Variants in NCKAP1L observed in about 807,000 individuals in gnomAD.
The protein encoded by NCKAP1L is NCK associated protein 1 like.
NCKAP1L carries 53 observed loss-of-function variants against 139.2 expected under a neutral mutation model. That is an observed-to-expected ratio of 0.38 (90% CI 0.31 to 0.48). The LOEUF is 0.48. NCKAP1L is among the 20% of genes least tolerant of loss of function. The probability of loss-of-function intolerance (pLI) is 0.98; values close to 1 mark genes in which losing one functional copy is unlikely to be tolerated. For synonymous variants in NCKAP1L, 468 were observed against 499.7 expected (o/e 0.94, Z 0.85); for missense variants, 1,151 against 1,381.9 (o/e 0.83, Z 2.65).
At chr12:54,528,686 C>T (rs1464765220) in intron 22 of NCKAP1L, among the ~76,000 whole-genome samples, 3 of 151,466 alleles carry the variant, frequency 2.0e-5, no homozygotes, top group Admixed American at 2.0e-4. Flanking sequence ...AGTGCAGCGG[C>T]ACTATCTTGG....
chr12:54,514,142 A>G (rs1220831263), intron 9 of NCKAP1L, among the ~76,000 whole-genome samples: 2 of 152,210 alleles, frequency 1.3e-5, no homozygotes, highest in African/African-American at 2.4e-5. Context: ...ATCAGTCTAT[A>G]GAGACTTATT....
chr12:54,527,230 ACT>A (rs1008759464), intron 21 of NCKAP1L, among the ~76,000 whole-genome samples: 1 of 152,186 alleles, frequency 6.6e-6, no homozygotes, highest in Non-Finnish European at 1.5e-5. Context: ...GGGAATCAGC[ACT>A]GTTTCCTTTG....
chr12:54,543,916 T>C lies in NCKAP1L; in HGVS notation c.*1231T>C, dbSNP rs1026662421. On this transcript the variant is annotated 3_prime_UTR_variant, in exon 31 of 31. Coordinates refer to ENST00000293373, the MANE Select transcript of NCKAP1L (RefSeq NM_005337.5). ...TTAGCTAGTTGGTTAATTAGGGTCA[T>C]GTCCATACTTTCATGATGAAAGGGA... 2.0e-5 allele frequency: 3 copies of C among 152,224 alleles called. No homozygotes were observed. The highest frequency in any genetic ancestry group is 4.4e-5 in the Non-Finnish European group (3 of 68,040). The allele number at this position is 152,224 out of a possible 1,614,324, so 9.4% of individuals were successfully genotyped here.
At chr12:54,516,783 G>T in intron 10 of NCKAP1L, 113 bp from the exon 11 acceptor site, 4 of 908,928 alleles carry the variant, frequency 4.4e-6, no homozygotes, top group East Asian at 2.9e-5. Context: ...CTTGAGCATT[G>T]AACCTTCCTT....
intron 10 of NCKAP1L, 130 bp downstream of exon 10, chr12:54,516,425 C>A: frequency 1.3e-6 from 1 of 783,334 alleles, no homozygotes; most frequent in Non-Finnish European, 2.1e-6. Flanking sequence ...GCTGCTACCC[C>A]ATAAATTCTT....
In NCKAP1L at chr12:54,542,939, T is replaced by C. The variant is rs530896070; in HGVS notation, c.*254T>C. The C allele has an allele frequency of 2.4e-5, 10 of 408,202 alleles. No individual in the cohort carries two copies. Among genetic ancestry groups the C allele is most frequent in the Non-Finnish European group, 4.4e-5 (10 of 226,398 alleles). The allele number at this position is 408,202 out of a possible 1,614,324, so 25.3% of individuals were successfully genotyped here. ...GGCGTGGGGCCACATGTGTGAATTT[T>C]ACAATGAAAAAAGGAGTAACGTACA... On this transcript the variant is annotated 3_prime_UTR_variant, in exon 31 of 31. Transcript: ENST00000293373.
intron 18 of NCKAP1L, among the ~76,000 whole-genome samples, chr12:54,521,906 G>A (rs922335108): frequency 6.6e-6 from 1 of 151,966 alleles, no homozygotes; most frequent in South Asian, 2.1e-4. Flanking sequence ...GTGTGTGTGT[G>A]TGTGTGTGTA....
chr12:54,516,864 G>C, intron 10 of NCKAP1L, 32 bp from the exon 11 acceptor site: 1 of 1,588,054 alleles, frequency 6.3e-7, no homozygotes. Context: ...GGGTGGGAGA[G>C]GTGATAGTCA....
intron 4 of NCKAP1L, 57 bp downstream of exon 4, chr12:54,507,966 G>A (rs1274382835): frequency 2.0e-6 from 3 of 1,517,738 alleles, no homozygotes; most frequent in Non-Finnish European, 2.7e-6. Flanking sequence ...CCAGGTCTAG[G>A]TTGGGAGGTC....
intron 5 of NCKAP1L, among the ~76,000 whole-genome samples, chr12:54,509,389 A>G (rs1956868660): frequency 6.6e-6 from 1 of 152,172 alleles, no homozygotes; most frequent in African/African-American, 2.4e-5. Flanking sequence ...TAATTAACAG[A>G]TTTATAGAGT....
At position 54,542,911 on chromosome 12, in the gene NCKAP1L, T is replaced by C; in HGVS notation, c.*226T>C. The C allele has an allele frequency of 2.1e-6, 1 of 472,408 alleles. No individual in the cohort carries two copies. The highest frequency in any genetic ancestry group is 3.8e-6 in the Non-Finnish European group (1 of 264,028). 29.3% of individuals were successfully genotyped at this position (472,408 alleles called of 1,614,324 possible). On this transcript the variant is annotated 3_prime_UTR_variant, in exon 31 of 31. Coordinates refer to ENST00000293373, the MANE Select transcript of NCKAP1L (RefSeq NM_005337.5). Reference sequence around the variant, plus strand: ...ATGGAGGACAGCTTATGGAAAAAGTTAGGGCGTGGGGCCACATGTGTGAAT... The same window carrying C: ...ATGGAGGACAGCTTATGGAAAAAGTCAGGGCGTGGGGCCACATGTGTGAAT...
chr12:54,538,168 T>C (rs562707814), intron 29 of NCKAP1L, among the ~76,000 whole-genome samples: 3 of 152,348 alleles, frequency 2.0e-5, no homozygotes, highest in Admixed American at 1.3e-4. Flanking sequence ...TCAGGAATTA[T>C]ACCCTCATTC....
rs780910100 is a variant in NCKAP1L, at chr12:54,509,904, G to A, written c.654G>A (p.Gly218=). The change falls in exon 7 of 31, where the codon GGG becomes GGA. Residue 218 remains glycine (G), a synonymous_variant. Transcript: ENST00000293373. ...LHFLFVRRNQ[G]AEQWRSAQLL... is the part of the protein sequence containing the mutation. The stretch of plus-strand genomic sequence containing the variant: ...TCCTCTTTGTCCGAAGAAACCAGGG[G>A]GCTGAGCAGTGGCGCAGTGCCCAAC... 2 of 1,614,200 alleles carry A rather than the reference G, an allele frequency of 1.2e-6. No homozygotes were observed. The highest frequency in any genetic ancestry group is 2.2e-5 in the South Asian group (2 of 91,078).
intron 9 of NCKAP1L, among the ~76,000 whole-genome samples, chr12:54,516,001 T>A (rs1956927269): frequency 6.6e-6 from 1 of 151,516 alleles, no homozygotes; most frequent in African/African-American, 2.4e-5. Context: ...GTCATTTCCC[T>A]TCCCTAGGTA....
At chr12:54,508,659 G>A in intron 5 of NCKAP1L, 128 bp downstream of exon 5, 1 of 932,944 alleles carries the variant, frequency 1.1e-6, no homozygotes, top group Non-Finnish European at 1.6e-6. Context: ...ATTGACCCAG[G>A]CAAAATAAGG....
At chr12:54,541,973 C>A (rs964734206) in intron 30 of NCKAP1L, among the ~76,000 whole-genome samples, 1 of 151,982 alleles carries the variant, frequency 6.6e-6, no homozygotes, top group Non-Finnish European at 1.5e-5. Context: ...CATTCTTCTC[C>A]GGGCATCTTG....
In NCKAP1L at chr12:54,544,015, A is replaced by T. The variant is rs1957179844; in HGVS notation, c.*1330A>T. The T allele has an allele frequency of 6.6e-6, 1 of 152,188 alleles. No homozygotes were observed. Among genetic ancestry groups the T allele is most frequent in the Admixed American group, 6.5e-5 (1 of 15,282 alleles). 9.4% of individuals were successfully genotyped at this position (152,188 alleles called of 1,614,324 possible). ...TTTGATAGCTGTTTTGGGGTTTTGTACATGTGTTTGCTTTTTATTTCTTGA... is the reference window on the plus strand; with the variant it reads ...TTTGATAGCTGTTTTGGGGTTTTGTTCATGTGTTTGCTTTTTATTTCTTGA... On this transcript the variant is annotated 3_prime_UTR_variant, in exon 31 of 31. Coordinates refer to ENST00000293373, the MANE Select transcript of NCKAP1L (RefSeq NM_005337.5).
chr12:54,537,644 C>G (rs1450411676), intron 29 of NCKAP1L, among the ~76,000 whole-genome samples: 2 of 152,156 alleles, frequency 1.3e-5, no homozygotes, highest in African/African-American at 4.8e-5. Context: ...GACAAATGAT[C>G]AATGACTACT....
chr12:54,538,759 T>G (rs1565684305), intron 29 of NCKAP1L, 125 bp from the exon 30 acceptor site: 1 of 724,958 alleles, frequency 1.4e-6, no homozygotes, highest in Non-Finnish European at 2.3e-6. Flanking sequence ...TTTCCCACCC[T>G]GAGTCTTCAG....
Sources: allele counts gnomAD v4.1 joint callset (sites outside exome capture counted in the v4.1 genomes callset), GRCh38; gene constraint gnomAD v4.1.1; transcripts MANE v1.5; gene names NCBI Gene and HGNC (gene_info 2026-07-23, HGNC 2026-07-21).